The following VPS13B variants were observed in gnomAD, a reference collection of about 807,000 sequenced individuals.
VPS13B encodes the protein intermembrane lipid transfer protein VPS13B.
A neutral mutation model predicts 426.4 loss-of-function variants in VPS13B; 285 were observed. That is an observed-to-expected ratio of 0.67 (90% CI 0.61 to 0.74). VPS13B has a LOEUF of 0.74. VPS13B is among the 30% of genes least tolerant of loss of function. The pLI, the probability that VPS13B is intolerant of heterozygous loss-of-function variation, is 0.00. For missense variants in VPS13B, 4,537 were observed against 4,782.6 expected, an observed-to-expected ratio of 0.95 and a Z score of 1.51; for synonymous variants, 1,676 against 1,676.4, an observed-to-expected ratio of 1.00 and a Z score of 0.01.
chr8:99,839,324 A>G (rs1373964820), intron 54 of VPS13B, among the ~76,000 whole-genome samples: 1 of 152,164 alleles, frequency 6.6e-6, no homozygotes, highest in Admixed American at 6.5e-5. Flanking sequence ...CCATTTACCA[A>G]GTGTTTTCAC....
intron 21 of VPS13B, among the ~76,000 whole-genome samples, chr8:99,418,457 T>TTC (rs1165333793): frequency 5.3e-4 from 20 of 37,464 alleles, no homozygotes; most frequent in African/African-American, 2.3e-3. Context: ...TATCATAGTT[T>TTC]TCTTTCTTTC....
chr8:99,621,935 G>A (rs1218651124), intron 33 of VPS13B, among the ~76,000 whole-genome samples: 1 of 147,240 alleles, frequency 6.8e-6, no homozygotes, highest in African/African-American at 2.5e-5. Flanking sequence ...CCAGGTTCAA[G>A]CGATTCTCCT....
intron 35 of VPS13B, among the ~76,000 whole-genome samples, chr8:99,669,984 T>C (rs760048353): frequency 1.3e-5 from 2 of 152,116 alleles, no homozygotes; most frequent in Non-Finnish European, 2.9e-5. Context: ...TGCTATAAAA[T>C]AGTAAAAGAG....
At chr8:99,563,264 T>C (rs898694497) in intron 31 of VPS13B, among the ~76,000 whole-genome samples, 1 of 152,204 alleles carries the variant, frequency 6.6e-6, no homozygotes, top group Non-Finnish European at 1.5e-5. Flanking sequence ...TAATTTCTAA[T>C]ATTATTCTAG....
chr8:99,253,322 A>G (rs1224914735), intron 17 of VPS13B, among the ~76,000 whole-genome samples: 1 of 152,028 alleles, frequency 6.6e-6, no homozygotes, highest in Non-Finnish European at 1.5e-5. Flanking sequence ...TTTTGTGTGG[A>G]CATATATGTT....
intron 23 of VPS13B, among the ~76,000 whole-genome samples, chr8:99,452,917 G>A (rs1001251907): frequency 1.3e-5 from 2 of 152,190 alleles, no homozygotes; most frequent in African/African-American, 4.8e-5. Flanking sequence ...AGTGAGCCTT[G>A]CAGATGTAAT....
rs564096794 is a variant in VPS13B, at chr8:99,727,284, C to T, written c.7050+6237C>T. On this transcript the variant is annotated intron_variant, in intron 39 of 61. Transcript: ENST00000357162. ...TGGAAAGAAGGAAAATAGAATTATCCTTTTACTTCAAATGTTAAATCATGA... is the reference window on the plus strand; with the variant it reads ...TGGAAAGAAGGAAAATAGAATTATCTTTTTACTTCAAATGTTAAATCATGA... 2.0e-5 allele frequency among the ~76,000 whole-genome samples: 3 copies of T among 152,196 alleles called. No individual in the cohort carries two copies. In the South Asian group the frequency reaches 6.2e-4, roughly 32 times the overall value.
chr8:99,523,519 C>A (rs181004007), intron 30 of VPS13B, among the ~76,000 whole-genome samples: 1 of 152,192 alleles, frequency 6.6e-6, no homozygotes, highest in South Asian at 2.1e-4. Context: ...CAGCTCCAGA[C>A]AGCTCAGCAC....
chr8:99,127,098 A>G (rs1418249144), intron 8 of VPS13B, among the ~76,000 whole-genome samples: 1 of 151,960 alleles, frequency 6.6e-6, no homozygotes, highest in Non-Finnish European at 1.5e-5. Context: ...CTTGTCTCAA[A>G]AAAAAGAAAA....
chr8:99,047,113 C>G (rs1476629867), intron 3 of VPS13B, among the ~76,000 whole-genome samples: 2 of 152,050 alleles, frequency 1.3e-5, no homozygotes, highest in South Asian at 2.1e-4. Flanking sequence ...TACCAATCCC[C>G]CTTTGAATGT....
At chr8:99,518,615 T>C (rs1822214280) in intron 29 of VPS13B, among the ~76,000 whole-genome samples, 1 of 152,216 alleles carries the variant, frequency 6.6e-6, no homozygotes, top group African/African-American at 2.4e-5. Flanking sequence ...CCTTCATGGT[T>C]ATCTTATTCT....
intron 16 of VPS13B, among the ~76,000 whole-genome samples, chr8:99,191,591 T>G (rs1588127856): frequency 1.3e-5 from 2 of 150,830 alleles, no homozygotes; most frequent in South Asian, 4.2e-4. Context: ...ACCATGTTGG[T>G]CAGGCTGGTC....
Position 99,467,496 on chromosome 8 carries a change from G to A in VPS13B, c.3528G>A (p.Val1176=). 2 of 1,613,758 alleles carry A rather than the reference G, an allele frequency of 1.2e-6. No homozygotes were observed. Among genetic ancestry groups the A allele is most frequent in the Non-Finnish European group, 1.7e-6 (2 of 1,179,798 alleles). Residue 1176 remains valine, a synonymous_variant, in exon 24 of 62, where the codon GTG becomes GTA. Transcript: ENST00000357162. The stretch of plus-strand genomic sequence containing the variant: ...GAAAACAAGTGACACTTTGCCTAGT[G>A]GAACCTATGGGTTGCACCTCCACTC... ...LLGKQVTLCL[V]EPMGCTSTLA...
chr8:99,096,048 T>C (rs1044574259), intron 3 of VPS13B, among the ~76,000 whole-genome samples: 3 of 152,198 alleles, frequency 2.0e-5, no homozygotes, highest in African/African-American at 7.2e-5. Flanking sequence ...AAGAATTCTT[T>C]GGAGATTGTC....
chr8:99,103,124 A>C lies in VPS13B; in HGVS notation c.580+4A>C. ...CGTGCATTCATGGATATTTCTGGTG[A>C]GTAAATATGGAGAATACCGTATATT... On this transcript the variant is annotated splice_donor_region_variant and intron_variant, in intron 5 of 61. Coordinates refer to ENST00000357162, the MANE Select transcript of VPS13B (RefSeq NM_152564.5). 6.2e-7 allele frequency: 1 copy of C among 1,613,734 alleles called. No individual in the cohort carries two copies. Among genetic ancestry groups the C allele is most frequent in the Non-Finnish European group, 8.5e-7 (1 of 1,179,710 alleles).
At chr8:99,463,048 A>G (rs1818919883) in intron 23 of VPS13B, among the ~76,000 whole-genome samples, 1 of 152,222 alleles carries the variant, frequency 6.6e-6, no homozygotes, top group South Asian at 2.1e-4. Context: ...TGTTACCGAT[A>G]GGATCTTGTC....
At chr8:99,705,371 T>C (rs544961182) in intron 36 of VPS13B, among the ~76,000 whole-genome samples, 2 of 152,250 alleles carry the variant, frequency 1.3e-5, no homozygotes, top group African/African-American at 4.8e-5. Context: ...ATGTATGAGA[T>C]ACTGTAATTC....
At chr8:99,807,515 C>G (rs1426872505) in intron 43 of VPS13B, among the ~76,000 whole-genome samples, 2 of 151,730 alleles carry the variant, frequency 1.3e-5, no homozygotes, top group Non-Finnish European at 2.9e-5. Flanking sequence ...AGCTTGATTC[C>G]CAGTTGCTGC....
At chr8:99,279,653 C>G (rs1819067873) in intron 19 of VPS13B, among the ~76,000 whole-genome samples, 1 of 152,056 alleles carries the variant, frequency 6.6e-6, no homozygotes, top group Non-Finnish European at 1.5e-5. Flanking sequence ...AGTTCTGAGT[C>G]TTTGTTAATC....
Sources: gnomAD v4.1 joint callset for allele counts (sites outside exome capture counted in the v4.1 genomes callset) on GRCh38, gnomAD v4.1.1 for gene constraint, MANE v1.5 for transcripts, NCBI Gene and HGNC (gene_info 2026-07-23, HGNC 2026-07-21) for gene names.